TMTC2: variants seen among roughly 807,000 people sequenced by gnomAD.
The protein encoded by TMTC2 is transmembrane O-mannosyltransferase targeting cadherins 2, also known as protein O-mannosyl-transferase TMTC2.
A neutral mutation model predicts 82.4 loss-of-function variants in TMTC2; 43 were observed. The observed-to-expected ratio is 0.52, with a 90% CI of 0.41 to 0.67. TMTC2 has a LOEUF of 0.67. Ranked by LOEUF, TMTC2 falls within the 30% of genes least tolerant of loss-of-function variation. The probability of loss-of-function intolerance (pLI) is 0.00; values close to 1 mark genes in which losing one functional copy is unlikely to be tolerated. For missense variants in TMTC2, 919 were observed against 1,012.4 expected (o/e 0.91, Z 1.25); for synonymous variants, 408 against 381.9 (o/e 1.07, Z -0.80).
intron 8 of TMTC2, among the ~76,000 whole-genome samples, chr12:83,003,256 T>C (rs147388564): frequency 6.6e-6 from 1 of 152,182 alleles, no homozygotes; most frequent in Non-Finnish European, 1.5e-5. Flanking sequence ...TTTTTTTTCC[T>C]ATCCCTTTGT....
chr12:83,033,840 A>ATATG (rs1171988291), intron 9 of TMTC2, among the ~76,000 whole-genome samples: 2 of 148,644 alleles, frequency 1.3e-5, no homozygotes, highest in African/African-American at 4.9e-5. Context: ...GTGTATATAT[A>ATATG]TGTATGTGTA....
At position 82,849,443 on chromosome 12, in the gene TMTC2, G is replaced by A. The variant is rs540714891; in HGVS notation, c.84-7567G>A. 2.2e-4 allele frequency among the ~76,000 whole-genome samples: 34 copies of A among 152,186 alleles called. No individual in the cohort carries two copies. The East Asian group carries it at 5.2e-3, about 23-fold the overall frequency. On this transcript the variant is annotated intron_variant, in intron 1 of 11. Coordinates refer to ENST00000321196, the MANE Select transcript of TMTC2 (RefSeq NM_152588.3). ...AGAGGCAGATTCAAGGGAAACTTCT[G>A]AATTGAATTTTCTCTGAGGTCCTGA...
intron 4 of TMTC2, among the ~76,000 whole-genome samples, chr12:82,932,664 T>C (rs1876103915): frequency 6.6e-6 from 1 of 152,160 alleles, no homozygotes. Flanking sequence ...GAAAGTGATG[T>C]CAAAGGGGGC....
Position 82,857,222 on chromosome 12 carries a change from C to T in TMTC2, c.296C>T (p.Thr99Ile), listed in dbSNP as rs1441469332. 3.1e-6 allele frequency: 5 copies of T among 1,614,070 alleles called. No individual in the cohort carries two copies. The Admixed American group carries it at 5.0e-5, about 16-fold the overall frequency. Residue 99 changes from threonine (T) to isoleucine (I), a missense_variant, in exon 2 of 12, where the codon ACT (threonine) becomes ATT (isoleucine). Transcript: ENST00000321196. ...AATGTCCTGTTGCATGCAGCAGTCA[C>T]TGGTCTCTTCACAAGCTTCTCCAAG... is the stretch of plus-strand genomic sequence containing the variant. ...LVNVLLHAAV[T>I]GLFTSFSKIL...
chr12:83,098,729 A>G (rs978231021), intron 11 of TMTC2, among the ~76,000 whole-genome samples: 48 of 152,286 alleles, frequency 3.2e-4, no homozygotes, highest in Middle Eastern at 3.4e-3. Flanking sequence ...CTTCATGCCC[A>G]TACACTGCAA....
At chr12:83,001,245 G>A (rs749966294) in intron 8 of TMTC2, among the ~76,000 whole-genome samples, 4 of 152,160 alleles carry the variant, frequency 2.6e-5, no homozygotes, top group African/African-American at 7.2e-5. Context: ...TTGTTAGCTC[G>A]CAAATTTTCC....
At chr12:82,805,218 T>A (rs1395863777) in intron 1 of TMTC2, among the ~76,000 whole-genome samples, 1 of 152,160 alleles carries the variant, frequency 6.6e-6, no homozygotes, top group Non-Finnish European at 1.5e-5. Context: ...TACCTTCAGA[T>A]AAGGAAGAGG....
At position 82,842,456 on chromosome 12, in the gene TMTC2, C is replaced by T. The variant is rs561126016; in HGVS notation, c.84-14554C>T. 2.0e-5 allele frequency among the ~76,000 whole-genome samples: 3 copies of T among 152,074 alleles called. No homozygotes were observed. In the South Asian group the frequency reaches 6.2e-4, roughly 32 times the overall value. ...TATTTACAATCACAAAGCAGTTCAACGAGTCATCAAAAACAGCAGCAGACA... is the reference window on the plus strand; with the variant it reads ...TATTTACAATCACAAAGCAGTTCAATGAGTCATCAAAAACAGCAGCAGACA... On this transcript the variant is annotated intron_variant, in intron 1 of 11. Transcript: ENST00000321196.
At chr12:82,899,677 G>A (rs1272420425) in intron 3 of TMTC2, among the ~76,000 whole-genome samples, 3 of 132,404 alleles carry the variant, frequency 2.3e-5, no homozygotes, top group East Asian at 4.4e-4. Context: ...ATATATATGT[G>A]GAATATATAT....
At chr12:82,696,695 T>C (rs1872804885) in intron 1 of TMTC2, among the ~76,000 whole-genome samples, 1 of 152,102 alleles carries the variant, frequency 6.6e-6, no homozygotes, top group Admixed American at 6.5e-5. Context: ...TCAGGATAAA[T>C]AGTGTAGTAT....
At chr12:82,904,321 A>G (rs527905772) in intron 3 of TMTC2, among the ~76,000 whole-genome samples, 53 of 152,284 alleles carry the variant, frequency 3.5e-4, no homozygotes, top group Non-Finnish European at 7.2e-4. Flanking sequence ...ATGGAATATG[A>G]TTTTAAGCCT....
chr12:82,689,346 C>G (rs1161634614), intron 1 of TMTC2, among the ~76,000 whole-genome samples: 1 of 151,864 alleles, frequency 6.6e-6, no homozygotes, highest in Admixed American at 6.6e-5. Context: ...TGATGGGTGA[C>G]TTTTCACTAA....
intron 9 of TMTC2, among the ~76,000 whole-genome samples, chr12:83,037,846 A>G (rs1318934154): frequency 6.6e-6 from 1 of 152,158 alleles, no homozygotes; most frequent in East Asian, 1.9e-4. Context: ...GAAAAGTAAT[A>G]TGATAAAAAG....
In TMTC2 at chr12:83,105,967, T is replaced by C. The variant is rs956945827; in HGVS notation, c.2332-26243T>C. Among the ~76,000 whole-genome samples the C allele has an allele frequency of 2.6e-5, 4 of 152,212 alleles. No individual in the cohort carries two copies. The East Asian group carries it at 7.7e-4, about 29-fold the overall frequency. Reference sequence around the variant, plus strand: ...TACTGAAATTATCAGAAAAAGAATATAGAATAGCGTTGTATGAAATATTTA... The same window carrying C: ...TACTGAAATTATCAGAAAAAGAATACAGAATAGCGTTGTATGAAATATTTA... On this transcript the variant is annotated intron_variant, in intron 11 of 11. Transcript: ENST00000321196.
intron 4 of TMTC2, among the ~76,000 whole-genome samples, chr12:82,961,087 T>C (rs1292537491): frequency 1.3e-5 from 2 of 151,618 alleles, no homozygotes; most frequent in Non-Finnish European, 2.9e-5. Context: ...ATGTGCAAAA[T>C]GAAGAAAGTA....
intron 11 of TMTC2, among the ~76,000 whole-genome samples, chr12:83,085,626 C>T (rs941889341): frequency 6.6e-6 from 1 of 152,140 alleles, no homozygotes; most frequent in Non-Finnish European, 1.5e-5. Flanking sequence ...ACCATCTGAG[C>T]TCAATTTCTT....
intron 10 of TMTC2, among the ~76,000 whole-genome samples, chr12:83,054,723 T>G (rs1882473853): frequency 6.6e-6 from 1 of 151,598 alleles, no homozygotes; most frequent in Admixed American, 6.6e-5. Flanking sequence ...ATAATTTTAT[T>G]TGTGTATATG....
At chr12:82,976,898 A>G (rs1592669723) in intron 7 of TMTC2, among the ~76,000 whole-genome samples, 1 of 152,088 alleles carries the variant, frequency 6.6e-6, no homozygotes, top group Admixed American at 6.6e-5. Context: ...AAAAAAATGT[A>G]ACATCTAAAT....
Position 82,811,768 on chromosome 12 carries a change from T to A in TMTC2, c.84-45242T>A, listed in dbSNP as rs544123392. Among the ~76,000 whole-genome samples, 12 of 151,624 alleles carry A rather than the reference T, an allele frequency of 7.9e-5. No individual in the cohort carries two copies. In the East Asian group the frequency reaches 2.3e-3, roughly 29 times the overall value. On this transcript the variant is annotated intron_variant, in intron 1 of 11. Coordinates refer to ENST00000321196, the MANE Select transcript of TMTC2 (RefSeq NM_152588.3). ...AGGTAAAATTACTTAGTACATTTTTTTAAGATTTATTTGAAGTTTTCTTTT... is the reference window on the plus strand; with the variant it reads ...AGGTAAAATTACTTAGTACATTTTTATAAGATTTATTTGAAGTTTTCTTTT...
Sources: gnomAD v4.1 joint callset for allele counts (sites outside exome capture counted in the v4.1 genomes callset) on GRCh38, gnomAD v4.1.1 for gene constraint, MANE v1.5 for transcripts, NCBI Gene and HGNC (gene_info 2026-07-23, HGNC 2026-07-21) for gene names.